Variants in PXDN observed in about 807,000 individuals in gnomAD.
PXDN encodes the protein peroxidasin homolog.
Under a neutral mutation model 140.3 loss-of-function variants are expected in PXDN, and 77 were observed. The ratio of observed to expected loss-of-function variants is 0.55; its 90% confidence interval spans 0.46 to 0.66. The LOEUF is 0.66. Ranked by LOEUF, PXDN falls within the 30% of genes least tolerant of loss-of-function variation. The probability of loss-of-function intolerance (pLI) is 0.00; values close to 1 mark genes in which losing one functional copy is unlikely to be tolerated. For synonymous variants in PXDN, 911 were observed against 857.4 expected, an observed-to-expected ratio of 1.06 and a Z score of -1.09; for missense variants, 1,838 against 2,039.5, an observed-to-expected ratio of 0.90 and a Z score of 1.90.
At chr2:1,658,998 T>A (rs962600499) in intron 14 of PXDN, among the ~76,000 whole-genome samples, 6 of 152,114 alleles carry the variant, frequency 3.9e-5, no homozygotes, top group African/African-American at 1.4e-4. Flanking sequence ...TCCACCAGGA[T>A]CTAACTCCAT....
At chr2:1,663,528 T>G in intron 12 of PXDN, 77 bp downstream of exon 12, 1 of 1,554,734 alleles carries the variant, frequency 6.4e-7, no homozygotes, top group South Asian at 1.2e-5. Flanking sequence ...GTAACACTAA[T>G]GTCAGCTGCG....
chr2:1,677,502 A>C (rs1303738015), intron 7 of PXDN, among the ~76,000 whole-genome samples: 1 of 152,224 alleles, frequency 6.6e-6, no homozygotes, highest in African/African-American at 2.4e-5. Flanking sequence ...AGCAACTCCC[A>C]GCCTCCCTCC....
chr2:1,643,801 A>G (rs975522707), intron 18 of PXDN, among the ~76,000 whole-genome samples: 7 of 152,176 alleles, frequency 4.6e-5, no homozygotes, highest in African/African-American at 1.7e-4. Flanking sequence ...GGCCAGGTGC[A>G]GTGGCTCACG....
chr2:1,707,957 G>A (rs1290559329), intron 1 of PXDN, among the ~76,000 whole-genome samples: 1 of 151,972 alleles, frequency 6.6e-6, no homozygotes, highest in Non-Finnish European at 1.5e-5. Flanking sequence ...CAAAGCGAGA[G>A]AACGGAAACC....
chr2:1,665,972 G>A (rs1199653344), intron 10 of PXDN, among the ~76,000 whole-genome samples: 1 of 152,220 alleles, frequency 6.6e-6, no homozygotes, highest in Non-Finnish European at 1.5e-5. Flanking sequence ...GCCAGGTGCT[G>A]GAGGTACAGA....
chr2:1,720,724 TCA>T (rs1221326586), intron 1 of PXDN, among the ~76,000 whole-genome samples: 1,590 of 28,108 alleles, frequency 0.057, 33 homozygotes, highest in African/African-American at 0.11. Flanking sequence ...TCTCTCTCTC[TCA>T]CACACACACA....
intron 2 of PXDN, chr2:1,692,418 G>C (rs571110865): frequency 6.7e-6 from 3 of 449,766 alleles, no homozygotes; most frequent in African/African-American, 4.0e-5. Flanking sequence ...TGCTCCATTC[G>C]AGCGCACAGA....
rs1007671428 is a variant in PXDN at position 1,744,476 on chromosome 2, G to A, written c.-21C>T. 4.2e-6 allele frequency: 6 copies of A among 1,430,660 alleles called. No individual in the cohort carries two copies. The highest frequency in any genetic ancestry group is 2.9e-5 in the Admixed American group (1 of 34,858). The allele number at this position is 1,430,660 out of a possible 1,614,324, so 88.6% of individuals were successfully genotyped here. On this transcript the variant is annotated 5_prime_UTR_variant, in exon 1 of 23. Transcript: ENST00000252804. The stretch of plus-strand genomic sequence containing the variant: ...GCCATGGCCGACGGCGCGGACGGAC[G>A]CTCGGACGCACGGAGCCACCACGGC...
chr2:1,735,325 T>C (rs1165382735), intron 1 of PXDN, among the ~76,000 whole-genome samples: 1 of 152,230 alleles, frequency 6.6e-6, no homozygotes, highest in African/African-American at 2.4e-5. Flanking sequence ...TCCAGAAGGT[T>C]TTCAGTTGAC....
chr2:1,735,243 T>C (rs1685403554), intron 1 of PXDN, among the ~76,000 whole-genome samples: 1 of 152,238 alleles, frequency 6.6e-6, no homozygotes, highest in Non-Finnish European at 1.5e-5. Flanking sequence ...TCTAAACTCC[T>C]GTACATGTTG....
chr2:1,723,674 T>A (rs1282305640), intron 1 of PXDN, among the ~76,000 whole-genome samples: 1 of 151,684 alleles, frequency 6.6e-6, no homozygotes, highest in Non-Finnish European at 1.5e-5. Context: ...ATGAATGGAT[T>A]AATGGATGGA....
intron 1 of PXDN, among the ~76,000 whole-genome samples, chr2:1,715,394 C>T (rs999956190): frequency 2.0e-5 from 3 of 152,120 alleles, no homozygotes; most frequent in African/African-American, 7.2e-5. Flanking sequence ...AGCGACGGAG[C>T]GGGAGCCAAT....
chr2:1,680,450 G>A (rs545757150), intron 6 of PXDN, 88 bp from the exon 7 acceptor site: 22 of 1,505,150 alleles, frequency 1.5e-5, no homozygotes, highest in Admixed American at 6.9e-5. Flanking sequence ...GTCCCGCGTC[G>A]GGAAACATGT....
At chr2:1,654,536 C>T (rs1218577434) in intron 14 of PXDN, 28 bp from the exon 15 acceptor site, 1 of 1,487,188 alleles carries the variant, frequency 6.7e-7, no homozygotes, top group Non-Finnish European at 9.4e-7. Context: ...CGCGTATTAC[C>T]AGGAAAAATA....
chr2:1,689,283 C>T (rs1451875091), intron 3 of PXDN, among the ~76,000 whole-genome samples: 1 of 152,128 alleles, frequency 6.6e-6, no homozygotes, highest in Non-Finnish European at 1.5e-5. Flanking sequence ...TATACTTCTA[C>T]AGAAGGCAAG....
intron 3 of PXDN, among the ~76,000 whole-genome samples, chr2:1,689,153 TCA>T (rs1684130921): frequency 6.6e-6 from 1 of 152,206 alleles, no homozygotes; most frequent in Admixed American, 6.5e-5. Context: ...TGACTGGGCC[TCA>T]GTTTCCTCTT....
At chr2:1,705,102 ACGTGAGAGC>A (rs1454624399) in intron 1 of PXDN, among the ~76,000 whole-genome samples, 5 of 120,562 alleles carry the variant, frequency 4.1e-5, no homozygotes, top group African/African-American at 1.1e-4. Context: ...ACTGCCCATC[ACGTGAGAGC>A]CGTGAGAGCA....
Position 1,687,694 on chromosome 2 carries a change from G to T in PXDN, c.354C>A (p.Tyr118Ter). ...TGTCAATTGACTGGATCTCATTCTT[G>T]TACAGATAGCTGAAACAAGAAACAT... ...DLENLKYLYLYKNEIQSIDRQ... is the reference protein window; with the variant it reads ...DLENLKYLYL Residue 118 changes from tyrosine to a stop codon, truncating the protein, a stop_gained, in exon 4 of 23, where the codon TAC (tyrosine) becomes TAA (stop). Transcript: ENST00000252804. LOFTEE classifies it high-confidence loss of function. This position sits in a 1 kb window ranked among gnomAD's most constrained non-coding sequence, Gnocchi z 4.0. The T allele has an allele frequency of 6.6e-7, 1 of 1,521,854 alleles. No individual in the cohort carries two copies. Among genetic ancestry groups the T allele is most frequent in the Non-Finnish European group, 9.1e-7 (1 of 1,100,546 alleles). The allele number at this position is 1,521,854 out of a possible 1,614,324, so 94.3% of individuals were successfully genotyped here. A position where few individuals can be genotyped will look rare whatever the true frequency, so the allele number is the denominator to read the frequency against.
intron 1 of PXDN, among the ~76,000 whole-genome samples, chr2:1,718,006 C>T (rs528517737): frequency 1.3e-5 from 2 of 150,308 alleles, no homozygotes; most frequent in East Asian, 4.0e-4. Flanking sequence ...CCAAACCTGC[C>T]CTACCCACTA....
Sources: allele counts gnomAD v4.1 joint callset (sites outside exome capture counted in the v4.1 genomes callset), GRCh38; gene constraint gnomAD v4.1.1; non-coding constraint Gnocchi (gnomAD v3.1); transcripts MANE v1.5; gene names NCBI Gene and HGNC (gene_info 2026-07-23, HGNC 2026-07-21).